The following CREB5 variants were observed in gnomAD, a reference collection of about 807,000 sequenced individuals.
CREB5 encodes the protein cAMP responsive element binding protein 5.
In CREB5, 19 loss-of-function variants were observed where a neutral mutation model predicts 57.1. The ratio of observed to expected loss-of-function variants is 0.33; its 90% CI spans 0.23 to 0.49. The LOEUF is 0.49. Among genes scored for constraint, CREB5 ranks in the 20% least tolerant of loss-of-function variants. The pLI is 0.99. For missense variants in CREB5, 579 were observed against 671.6 expected (o/e 0.86, Z 1.52); for synonymous variants, 238 against 238.3 (o/e 1.00, Z 0.01).
chr7:28,793,736 T>G (rs1328287153), intron 7 of CREB5, among the ~76,000 whole-genome samples: 1 of 152,192 alleles, frequency 6.6e-6, no homozygotes, highest in African/African-American at 2.4e-5. Flanking sequence ...AGCAGCACAC[T>G]GCCAAATCCT....
At chr7:28,641,874 G>A (rs1008652340) in intron 5 of CREB5, among the ~76,000 whole-genome samples, 1 of 152,190 alleles carries the variant, frequency 6.6e-6, no homozygotes, top group African/African-American at 2.4e-5. Flanking sequence ...ATGGAAACCA[G>A]AAATACACAC....
In CREB5 at chr7:28,596,530, T is replaced by A. The variant is rs78769926; in HGVS notation, c.464+25993T>A. 8.8e-3 allele frequency among the ~76,000 whole-genome samples: 1,348 copies of A among 152,342 alleles called. 21 individuals carry two copies. Among genetic ancestry groups the A allele is most frequent in the African/African-American group, 0.03 (1,243 of 41,588 alleles). On this transcript the variant is annotated intron_variant, in intron 5 of 10. Transcript: ENST00000357727. ...TTAAATTATTGAAAGGAGAATGCAC[T>A]AGAATTGTCTCTTCCTGTTTTCCTA...
chr7:28,318,073 G>T (rs1785414532), intron 1 of CREB5, among the ~76,000 whole-genome samples: 1 of 152,152 alleles, frequency 6.6e-6, no homozygotes, highest in African/African-American at 2.4e-5. Context: ...CTAGCCAATT[G>T]TTTTCCAAAT....
At chr7:28,330,401 C>CTTTTTTTTTTTTTTTTTTTTT (rs10699932) in intron 1 of CREB5, among the ~76,000 whole-genome samples, 4 of 88,536 alleles carry the variant, frequency 4.5e-5, no homozygotes, top group Non-Finnish European at 6.3e-5. Context: ...GAGAACCTTA[C>CTTTTTTTTTTTTTTTTTTTTT]TTTTTTTTTT....
intron 1 of CREB5, among the ~76,000 whole-genome samples, chr7:28,299,651 A>G (rs187344022): frequency 6.6e-6 from 1 of 152,368 alleles, no homozygotes; most frequent in African/African-American, 2.4e-5. Flanking sequence ...TTGTCCTCAA[A>G]AGAATAGACA....
intron 6 of CREB5, among the ~76,000 whole-genome samples, chr7:28,721,094 A>G (rs1211518487): frequency 2.6e-5 from 4 of 152,182 alleles, no homozygotes; most frequent in Non-Finnish European, 2.9e-5. Flanking sequence ...CTGCCATGGC[A>G]ATAGGCGTCA....
At chr7:28,811,029 C>A (rs1420363900) in intron 9 of CREB5, among the ~76,000 whole-genome samples, 4 of 152,120 alleles carry the variant, frequency 2.6e-5, no homozygotes, top group African/African-American at 4.8e-5. Context: ...GATAATGATT[C>A]CCCCACTAAC....
chr7:28,521,711 A>T (rs1378467183), intron 4 of CREB5, among the ~76,000 whole-genome samples: 2 of 152,162 alleles, frequency 1.3e-5, no homozygotes, highest in East Asian at 3.8e-4. Flanking sequence ...GCATTCTTCA[A>T]ACCACTTCCA....
intron 7 of CREB5, among the ~76,000 whole-genome samples, chr7:28,746,236 G>T (rs1040576027): frequency 6.6e-6 from 1 of 152,172 alleles, no homozygotes. Context: ...GACATGGAGA[G>T]AAAGAAATTT....
intron 9 of CREB5, among the ~76,000 whole-genome samples, chr7:28,816,373 C>G (rs147879625): frequency 6.6e-6 from 1 of 152,258 alleles, no homozygotes; most frequent in African/African-American, 2.4e-5. Flanking sequence ...CAATCACATT[C>G]ATTTGGAGTT....
intron 1 of CREB5, among the ~76,000 whole-genome samples, chr7:28,358,613 C>CG (rs1402068434): frequency 2.0e-5 from 3 of 152,196 alleles, no homozygotes; most frequent in East Asian, 1.9e-4. Flanking sequence ...TCCCAGCTGT[C>CG]GAAGTCTTTC....
chr7:28,352,392 G>A (rs1211124693), intron 1 of CREB5, among the ~76,000 whole-genome samples: 1 of 152,170 alleles, frequency 6.6e-6, no homozygotes, highest in Admixed American at 6.5e-5. Context: ...CAGAGGGAGT[G>A]TATTACCTAA....
chr7:28,808,499 C>G (rs893180542), intron 8 of CREB5, among the ~76,000 whole-genome samples: 4 of 152,130 alleles, frequency 2.6e-5, no homozygotes, highest in African/African-American at 9.7e-5. Context: ...TCTGTTTTCA[C>G]CCTGTAGCCA....
chr7:28,761,508 G>C (rs1805650234), intron 7 of CREB5, among the ~76,000 whole-genome samples: 1 of 152,278 alleles, frequency 6.6e-6, no homozygotes, highest in Admixed American at 6.5e-5. Flanking sequence ...TACAGAGCAG[G>C]AACATGGCAT....
intron 1 of CREB5, among the ~76,000 whole-genome samples, chr7:28,346,516 T>C (rs1340578332): frequency 6.6e-6 from 1 of 152,234 alleles, no homozygotes; most frequent in Non-Finnish European, 1.5e-5. Context: ...ATGTGAATTT[T>C]GGAGGAACAC....
chr7:28,365,575 T>C (rs1786570225), intron 1 of CREB5, among the ~76,000 whole-genome samples: 3 of 152,174 alleles, frequency 2.0e-5, no homozygotes, highest in African/African-American at 7.2e-5. Context: ...CTCTCCTTCA[T>C]GGCAACATTT....
At chr7:28,420,816 A>T (rs1788216748) in intron 1 of CREB5, among the ~76,000 whole-genome samples, 1 of 151,250 alleles carries the variant, frequency 6.6e-6, no homozygotes, top group South Asian at 2.1e-4. Flanking sequence ...TCAAAAAAAA[A>T]AAAAAAAAAA....
chr7:28,503,468 G>C (rs531807818), intron 3 of CREB5, among the ~76,000 whole-genome samples: 2 of 152,258 alleles, frequency 1.3e-5, no homozygotes, highest in African/African-American at 4.8e-5. Context: ...CCCATCATCA[G>C]TGGGAATTGA....
intron 1 of CREB5, among the ~76,000 whole-genome samples, chr7:28,310,310 T>C (rs1207820989): frequency 1.3e-5 from 2 of 152,244 alleles, no homozygotes; most frequent in Non-Finnish European, 2.9e-5. Context: ...TGTAAAATAG[T>C]AATAGTACCT....
Sources: gnomAD v4.1 joint callset for allele counts (sites outside exome capture counted in the v4.1 genomes callset) on GRCh38, gnomAD v4.1.1 for gene constraint, MANE v1.5 for transcripts, NCBI Gene and HGNC (gene_info 2026-07-23, HGNC 2026-07-21) for gene names.